SPC24: variants seen among roughly 807,000 people sequenced by gnomAD.
The protein encoded by SPC24 is kinetochore protein Spc24.
A neutral mutation model predicts 27.6 loss-of-function variants in SPC24; 31 were observed. The ratio of observed to expected loss-of-function variants is 1.12; its 90% CI spans 0.84 to 1.52. The LOEUF (loss-of-function observed/expected upper bound fraction) is 1.52. Ranked by LOEUF, SPC24 falls within the 40% of genes most tolerant of loss-of-function variation. SPC24 has a pLI of 0.00. For missense variants in SPC24, 284 were observed against 252.5 expected (o/e 1.12, Z -0.84); for synonymous variants, 105 against 105.8 (o/e 0.99, Z 0.05).
intron 1 of SPC24, 99 bp from the exon 2 acceptor site, chr19:11,149,337 C>T (rs1490629592): frequency 1.8e-6 from 2 of 1,137,018 alleles, no homozygotes; most frequent in Middle Eastern, 2.1e-4. Flanking sequence ...AGAAACATGC[C>T]CCTTGTCTGC....
At chr19:11,154,666 G>A (rs1365724423) in intron 1 of SPC24, among the ~76,000 whole-genome samples, 1 of 127,484 alleles carries the variant, frequency 7.8e-6, no homozygotes, top group Non-Finnish European at 1.7e-5. Context: ...CACTAGGAAG[G>A]GTAGATATTG....
chr19:11,148,586 T>A (rs2077847324), intron 2 of SPC24, among the ~76,000 whole-genome samples: 2 of 151,714 alleles, frequency 1.3e-5, no homozygotes, highest in Admixed American at 1.3e-4. Context: ...GACCAAGTAA[T>A]CCTCCCACCT....
chr19:11,152,302 C>G (rs1323234517), intron 1 of SPC24, among the ~76,000 whole-genome samples: 1 of 151,942 alleles, frequency 6.6e-6, no homozygotes, highest in Admixed American at 6.6e-5. Flanking sequence ...CGCCACCTCC[C>G]AGGTTCAAGC....
chr19:11,146,547 C>G lies in SPC24; in HGVS notation c.*636G>C, dbSNP rs2077825397. The G allele has an allele frequency of 7.1e-6, 1 of 141,014 alleles. No homozygotes were observed. The highest frequency in any genetic ancestry group is 1.5e-5 in the Non-Finnish European group (1 of 66,354). The allele number at this position is 141,014 out of a possible 1,614,324, so 8.7% of individuals were successfully genotyped here. Reference sequence around the variant, plus strand: ...TTGGGAGGCCAAGGCGGGCAGATCACAAACTCAGGAGATGGAGACCATCCT... The same window carrying G: ...TTGGGAGGCCAAGGCGGGCAGATCAGAAACTCAGGAGATGGAGACCATCCT... On this transcript the variant is annotated 3_prime_UTR_variant, in exon 5 of 5. Coordinates refer to ENST00000592540, the MANE Select transcript of SPC24 (RefSeq NM_182513.4).
chr19:11,147,939 C>T lies in SPC24; in HGVS notation c.411-45G>A. 2 of 1,570,768 alleles carry T rather than the reference C, an allele frequency of 1.3e-6. 1 individual carries two copies. The highest frequency in any genetic ancestry group is 2.3e-5 in the South Asian group (2 of 86,982). On this transcript the variant is annotated intron_variant, in intron 3 of 4. Coordinates refer to ENST00000592540, the MANE Select transcript of SPC24 (RefSeq NM_182513.4). ...AAAAAAAAAAAAAAAAAGAAAGTTA[C>T]CCAGCACCAACTTCAACCAAGAGCC... is the stretch of plus-strand genomic sequence containing the variant.
intron 1 of SPC24, among the ~76,000 whole-genome samples, chr19:11,150,294 C>G (rs1353792137): frequency 6.6e-6 from 1 of 151,548 alleles, no homozygotes; most frequent in Non-Finnish European, 1.5e-5. Flanking sequence ...CGAGACCAGC[C>G]TGACCAACAT....
chr19:11,154,459 A>C (rs958913077), intron 1 of SPC24, among the ~76,000 whole-genome samples: 1 of 152,164 alleles, frequency 6.6e-6, no homozygotes, highest in African/African-American at 2.4e-5. Context: ...GGATCACTTA[A>C]GTCTGGGAGG....
At position 11,149,242 on chromosome 19, in the gene SPC24, C is replaced by T. The variant is rs1402106283; in HGVS notation, c.161-4G>A. The T allele has an allele frequency of 7.9e-6, 12 of 1,525,970 alleles. No individual in the cohort carries two copies. The highest frequency in any genetic ancestry group is 7.5e-5 in the East Asian group (3 of 40,032). 94.5% of individuals were successfully genotyped at this position (1,525,970 alleles called of 1,614,324 possible). ...TCCTTCTCCATGGTGAGGATCTCTG[C>T]AGGGTGGAGAGAAGCAGGCTCCCTA... On this transcript the variant is annotated splice_polypyrimidine_tract_variant and splice_region_variant and intron_variant, in intron 1 of 4. Transcript: ENST00000592540.
At position 11,146,465 on chromosome 19, in the gene SPC24, T is replaced by TAAAAGAAAAAA. The variant is rs2077823869; in HGVS notation, c.*717_*718insTTTTTTCTTTT. ...AAAATCAGGAGAAAAAGAAATCCAG[T>TAAAAGAAAAAA]AAAAAAAAAAAAAAAAAAGGCCAGG... On this transcript the variant is annotated 3_prime_UTR_variant, in exon 5 of 5. Coordinates refer to ENST00000592540, the MANE Select transcript of SPC24 (RefSeq NM_182513.4). 2.3e-5 allele frequency: 1 copy of TAAAAGAAAAAA among 43,072 alleles called. No individual in the cohort carries two copies. Among genetic ancestry groups the TAAAAGAAAAAA allele is most frequent in the Admixed American group, 4.1e-4 (1 of 2,456 alleles). 2.7% of individuals were successfully genotyped at this position (43,072 alleles called of 1,614,324 possible).
In SPC24 at chr19:11,151,186, G is replaced by GAAAA. The variant is rs2077868563; in HGVS notation, c.161-1949_161-1948insTTTT. ...TCAAAAAAAAAAAAAAAAAAAAAAT[G>GAAAA]CTTCCCAAAGGGCCCATGTTTAAGT... On this transcript the variant is annotated intron_variant, in intron 1 of 4. Coordinates refer to ENST00000592540, the MANE Select transcript of SPC24 (RefSeq NM_182513.4). Among the ~76,000 whole-genome samples, 5 of 111,072 alleles carry GAAAA rather than the reference G, an allele frequency of 4.5e-5. 1 individual carries two copies. Among genetic ancestry groups the GAAAA allele is most frequent in the South Asian group, 2.7e-4 (1 of 3,738 alleles). The allele number at this position is 111,072 out of a possible 152,430, so 72.9% of individuals were successfully genotyped here.
At position 11,147,908 on chromosome 19, in the gene SPC24, CAAAA is replaced by C. The variant is rs58845884; in HGVS notation, c.411-18_411-15del. ...TGAGCCACGTACCTGTACAGGAAGA[CAAAA>C]AAAAAAAAAAAAAAAAAAGAAAGTT... On this transcript the variant is annotated splice_polypyrimidine_tract_variant and intron_variant, in intron 3 of 4. Coordinates refer to ENST00000592540, the MANE Select transcript of SPC24 (RefSeq NM_182513.4). 2,507 of 1,105,894 alleles carry C rather than the reference CAAAA, an allele frequency of 2.3e-3. No homozygotes were observed. Among genetic ancestry groups the C allele is most frequent in the East Asian group, 2.9e-3 (104 of 36,386 alleles). 68.5% of individuals were successfully genotyped at this position (1,105,894 alleles called of 1,614,324 possible). A position where few individuals can be genotyped will look rare whatever the true frequency, so the allele number is the denominator to read the frequency against.
chr19:11,149,337 C>A (rs1490629592), intron 1 of SPC24, 99 bp from the exon 2 acceptor site: 1 of 1,136,900 alleles, frequency 8.8e-7, no homozygotes, highest in South Asian at 2.0e-5. Flanking sequence ...AGAAACATGC[C>A]CCTTGTCTGC....
At chr19:11,151,502 A>T (rs1231001027) in intron 1 of SPC24, among the ~76,000 whole-genome samples, 1 of 152,126 alleles carries the variant, frequency 6.6e-6, no homozygotes. Flanking sequence ...GCCCTCCCGA[A>T]GGACAACCAA....
intron 1 of SPC24, among the ~76,000 whole-genome samples, chr19:11,155,018 T>C (rs1473919550): frequency 6.6e-6 from 1 of 152,042 alleles, no homozygotes; most frequent in Non-Finnish European, 1.5e-5. Context: ...ACCCCCCGTC[T>C]CTACCAAAAA....
chr19:11,147,415 C>A, intron 4 of SPC24, 126 bp from the exon 5 acceptor site: 1 of 642,246 alleles, frequency 1.6e-6, no homozygotes. Context: ...GGCTGGAGTA[C>A]AGTGGTGCGA....
At position 11,147,158 on chromosome 19, in the gene SPC24, C is replaced by A; in HGVS notation, c.*25G>T. ...GACCACGGCAGATGCCCGCTGGGTG[C>A]AAGACGCAGCCACGAGGCTCCTGGC... On this transcript the variant is annotated 3_prime_UTR_variant, in exon 5 of 5. Coordinates refer to ENST00000592540, the MANE Select transcript of SPC24 (RefSeq NM_182513.4). The A allele has an allele frequency of 6.8e-7, 1 of 1,469,330 alleles. No individual in the cohort carries two copies. Among genetic ancestry groups the A allele is most frequent in the Non-Finnish European group, 9.3e-7 (1 of 1,074,904 alleles). The allele number at this position is 1,469,330 out of a possible 1,614,324, so 91.0% of individuals were successfully genotyped here.
At chr19:11,147,361 C>A in intron 4 of SPC24, 72 bp from the exon 5 acceptor site, 1 of 1,089,514 alleles carries the variant, frequency 9.2e-7, no homozygotes, top group Non-Finnish European at 1.3e-6. Flanking sequence ...AAGGATACTG[C>A]CTTTACTTTT....
At chr19:11,150,572 G>A (rs1476950648) in intron 1 of SPC24, among the ~76,000 whole-genome samples, 2 of 151,638 alleles carry the variant, frequency 1.3e-5, no homozygotes, top group East Asian at 3.9e-4. Context: ...CAAGGCAGAA[G>A]GATCACTTGG....
chr19:11,150,289 C>A (rs2077860924), intron 1 of SPC24, among the ~76,000 whole-genome samples: 1 of 150,304 alleles, frequency 6.7e-6, no homozygotes, highest in Admixed American at 6.7e-5. Flanking sequence ...GAGTTCGAGA[C>A]CAGCCTGACC....
Sources: allele counts gnomAD v4.1 joint callset (sites outside exome capture counted in the v4.1 genomes callset), GRCh38; gene constraint gnomAD v4.1.1; transcripts MANE v1.5; gene names NCBI Gene and HGNC (gene_info 2026-07-23, HGNC 2026-07-21).